The following POLR2F variants were observed in gnomAD, a reference collection of about 807,000 sequenced individuals.
POLR2F encodes the protein RNA polymerase II, I and III subunit F.
Under a neutral mutation model 22.7 loss-of-function variants are expected in POLR2F, and 12 were observed. That is an observed-to-expected ratio of 0.53 (90% confidence interval 0.34 to 0.86). The LOEUF (loss-of-function observed/expected upper bound fraction) is 0.86. Ranked by LOEUF, POLR2F falls within the 40% of genes least tolerant of loss-of-function variation. POLR2F has a pLI of 0.02. For missense variants in POLR2F, 126 were observed against 171.5 expected (o/e 0.73, Z 1.48); for synonymous variants, 57 against 66.0 (o/e 0.86, Z 0.66).
At chr22:37,998,437 T>C (rs2084737443) in intron 1 of POLR2F, among the ~76,000 whole-genome samples, 1 of 152,152 alleles carries the variant, frequency 6.6e-6, no homozygotes, top group South Asian at 2.1e-4. Context: ...GCCTCACACT[T>C]ACATCTGGAC....
chr22:37,953,698 T>G, upstream of POLR2F: 2 of 1,496,386 alleles, frequency 1.3e-6, no homozygotes, highest in Non-Finnish European at 1.8e-6. Flanking sequence ...AGGCGCAAGA[T>G]AAGCTAGGAG....
intron 1 of POLR2F, among the ~76,000 whole-genome samples, chr22:37,998,034 G>A (rs2084732616): frequency 6.6e-6 from 1 of 152,202 alleles, no homozygotes; most frequent in African/African-American, 2.4e-5. Flanking sequence ...TGGAATTGGG[G>A]AAGAGGCAGG....
intron 1 of POLR2F, among the ~76,000 whole-genome samples, chr22:38,015,095 C>A (rs763611845): frequency 6.6e-6 from 1 of 152,132 alleles, no homozygotes; most frequent in Non-Finnish European, 1.5e-5. Flanking sequence ...CATGAGCCAC[C>A]GCACCCGGCC....
At chr22:38,026,420 C>T (rs2085010857) in exon 3 of POLR2F, 3 of 448,498 alleles carry the variant, frequency 6.7e-6, no homozygotes, top group Non-Finnish European at 1.4e-5. Context: ...CTCTGGGTCT[C>T]AGTTTCCCCC....
intron 4 of POLR2F, chr22:37,977,869 G>A: frequency 6.2e-7 from 1 of 1,610,630 alleles, no homozygotes; most frequent in Non-Finnish European, 8.5e-7. Flanking sequence ...GCACTCACCT[G>A]AGGGGTGCTC....
intron 3 of POLR2F, among the ~76,000 whole-genome samples, chr22:37,964,832 C>T (rs868483816): frequency 8.6e-5 from 13 of 151,844 alleles, no homozygotes; most frequent in African/African-American, 1.2e-4. Flanking sequence ...CTTGGCCTCC[C>T]GAAGTGCTGG....
intron 1 of POLR2F, among the ~76,000 whole-genome samples, chr22:38,002,786 C>T (rs113716667): frequency 0.025 from 3,764 of 149,946 alleles, 156 homozygotes; most frequent in African/African-American, 0.088. Context: ...AGTGCAGTGG[C>T]GCCATCTCAG....
rs562955015 is a variant in POLR2F, at chr22:37,968,619, A to G, written c.*904A>G. 199 of 985,518 alleles carry G rather than the reference A, an allele frequency of 2.0e-4. 2 individuals are homozygous for G. The South Asian group carries it at 8.5e-3, about 42-fold the overall frequency. 61.0% of individuals were successfully genotyped at this position (985,518 alleles called of 1,614,324 possible). On this transcript the variant is annotated 3_prime_UTR_variant, in exon 5 of 5. Transcript: ENST00000442738. The stretch of plus-strand genomic sequence containing the variant: ...CCCTGCTTACCCAACCTGAGGTAAG[A>G]CCAGTCACACTGGCTCCTCCCTCCT...
At chr22:38,033,578 A>G (rs973445200) in intron 5 of POLR2F, among the ~76,000 whole-genome samples, 1 of 152,330 alleles carries the variant, frequency 6.6e-6, no homozygotes, top group African/African-American at 2.4e-5. Flanking sequence ...CTGGGCTGGC[A>G]CAGCCTCTGA....
At chr22:38,041,232 T>G, downstream of POLR2F, 12 of 1,367,992 alleles carry the variant, frequency 8.8e-6, no homozygotes, top group South Asian at 2.8e-5. Context: ...TCTAGACTGA[T>G]GGACCAGATG....
chr22:37,985,066 C>G (rs1932531768), upstream of POLR2F: 1 of 152,334 alleles, frequency 6.6e-6, no homozygotes, highest in Non-Finnish European at 1.5e-5. Context: ...CCCTTTCTGC[C>G]CCATCCTGCA....
chr22:37,973,883 G>A (rs781443891), downstream of POLR2F: 2 of 1,610,328 alleles, frequency 1.2e-6, no homozygotes, highest in Admixed American at 1.7e-5. Context: ...AGCCACGCCT[G>A]GTGGCTTGGA....
chr22:37,981,775 G>A (rs1285582842), upstream of POLR2F, among the ~76,000 whole-genome samples: 2 of 152,214 alleles, frequency 1.3e-5, no homozygotes, highest in Non-Finnish European at 2.9e-5. Context: ...TTGGGTGGAG[G>A]AGCTAGCTGT....
intron 1 of POLR2F, among the ~76,000 whole-genome samples, chr22:38,021,520 G>A (rs187133558): frequency 2.8e-4 from 42 of 152,276 alleles, no homozygotes; most frequent in East Asian, 1.4e-3. Flanking sequence ...ACAGTGACGC[G>A]ATCATGGCTC....
intron 1 of POLR2F, among the ~76,000 whole-genome samples, chr22:38,002,947 G>A (rs2145801017): frequency 6.6e-6 from 1 of 152,078 alleles, no homozygotes; most frequent in Admixed American, 6.6e-5. Flanking sequence ...GAATGGTCTC[G>A]ATCTCCTGAC....
chr22:38,032,359 T>C (rs989699051), intron 5 of POLR2F: 1 of 152,356 alleles, frequency 6.6e-6, no homozygotes, highest in Non-Finnish European at 1.5e-5. Context: ...CACAGCCATC[T>C]TCCCAGGAGA....
chr22:37,982,912 CCT>C (rs1442128718), upstream of POLR2F, among the ~76,000 whole-genome samples: 5 of 152,224 alleles, frequency 3.3e-5, no homozygotes, highest in East Asian at 5.8e-4. Context: ...TTAAACCTCC[CCT>C]GAGTTCTCCA....
At position 38,017,038 on chromosome 22, in the gene POLR2F, G is replaced by T. The variant is rs1163325540; in HGVS notation, c.121-8831G>T. 6.6e-6 allele frequency among the ~76,000 whole-genome samples: 1 copy of T among 152,162 alleles called. No individual in the cohort carries two copies. Among genetic ancestry groups the T allele is most frequent in the African/African-American group, 2.4e-5 (1 of 41,446 alleles). ...CCCCAGCCTCTGCTGCCTGGCACCAGGTCCCCCCACCACTCTCCAGCCCTC... is the reference window on the plus strand; with the variant it reads ...CCCCAGCCTCTGCTGCCTGGCACCATGTCCCCCCACCACTCTCCAGCCCTC... On this transcript the variant is annotated intron_variant, in intron 1 of 2. Coordinates refer to the POLR2F transcript ENST00000333418. The surrounding 1 kb of genome is among the most constrained non-coding windows in gnomAD (Gnocchi z 4.1).
At chr22:38,013,849 G>A (rs897360315) in intron 1 of POLR2F, among the ~76,000 whole-genome samples, 16 of 152,216 alleles carry the variant, frequency 1.1e-4, no homozygotes, top group African/African-American at 3.1e-4. Context: ...GTGGCCAGGC[G>A]CGGTGGCTTA....
Sources: allele counts gnomAD v4.1 joint callset (sites outside exome capture counted in the v4.1 genomes callset), GRCh38; gene constraint gnomAD v4.1.1; non-coding constraint Gnocchi (gnomAD v3.1); transcripts MANE v1.5; gene names NCBI Gene and HGNC (gene_info 2026-07-23, HGNC 2026-07-21).